The following SLC2A11 variants were observed in gnomAD, a reference collection of about 807,000 sequenced individuals.
The protein encoded by SLC2A11 is solute carrier family 2 member 11, also known as solute carrier family 2, facilitated glucose transporter member 11.
SLC2A11 carries 43 observed loss-of-function variants against 52.1 expected under a neutral mutation model. The observed-to-expected ratio is 0.82, with a 90% CI of 0.65 to 1.06. SLC2A11 has a LOEUF of 1.06. Ranked by LOEUF, SLC2A11 falls within the 50% of genes least tolerant of loss-of-function variation. The pLI is 0.00. For missense variants in SLC2A11, 582 were observed against 654.2 expected (o/e 0.89, Z 1.20); for synonymous variants, 261 against 277.6 (o/e 0.94, Z 0.59).
At position 23,857,899 on chromosome 22, in the gene SLC2A11, G is replaced by T; in HGVS notation, c.-101G>T. On this transcript the variant is annotated 5_prime_UTR_variant, in exon 1 of 12. Coordinates refer to ENST00000316185, the MANE Select transcript of SLC2A11 (RefSeq NM_001024939.4). Reference sequence around the variant, plus strand: ...CCTCTTTCACCACTGGGCGCTGCGCGCTGCCCTTCCCTCCGCGCACAGGCT... The same window carrying T: ...CCTCTTTCACCACTGGGCGCTGCGCTCTGCCCTTCCCTCCGCGCACAGGCT... The T allele has an allele frequency of 6.4e-7, 1 of 1,569,206 alleles. No homozygotes were observed. The highest frequency in any genetic ancestry group is 8.6e-7 in the Non-Finnish European group (1 of 1,158,616).
rs1441945589 is a variant in SLC2A11, at chr22:23,882,664, C to G, written c.882+18C>G. ...ATGACTCGGTGAGACCCCTGCCCCGCCGCACACCCTGGGCCCCGGGGGCTT... is the reference window on the plus strand; with the variant it reads ...ATGACTCGGTGAGACCCCTGCCCCGGCGCACACCCTGGGCCCCGGGGGCTT... On this transcript the variant is annotated intron_variant, in intron 7 of 11. Transcript: ENST00000316185. 1 of 1,608,140 alleles carries G rather than the reference C, an allele frequency of 6.2e-7. No individual in the cohort carries two copies. The highest frequency in any genetic ancestry group is 8.5e-7 in the Non-Finnish European group (1 of 1,176,632).
intron 5 of SLC2A11, 122 bp downstream of exon 5, chr22:23,877,293 C>T (rs967287255): frequency 2.3e-5 from 34 of 1,501,832 alleles, no homozygotes; most frequent in South Asian, 4.8e-5. Context: ...ATGAAGGCAT[C>T]GAATCCTCTA....
At chr22:23,877,519 G>T (rs1192937689) in intron 5 of SLC2A11, 1 of 786,752 alleles carries the variant, frequency 1.3e-6, no homozygotes, top group African/African-American at 1.7e-5. Context: ...AGTTGCTAGG[G>T]ATGAGGTGGG....
intron 2 of SLC2A11, chr22:23,866,734 T>C (rs1353610675): frequency 6.6e-6 from 1 of 152,446 alleles, no homozygotes; most frequent in Non-Finnish European, 1.5e-5. Context: ...CTGGGCAACA[T>C]AGTGAGACCC....
Position 23,882,477 on chromosome 22 carries a change from G to T in SLC2A11, c.713G>T (p.Gly238Val), listed in dbSNP as rs1463264257. The T allele has an allele frequency of 6.4e-7, 1 of 1,551,044 alleles. No homozygotes were observed. The highest frequency in any genetic ancestry group is 8.7e-7 in the Non-Finnish European group (1 of 1,150,546). Residue 238 changes from glycine (G) to valine (V), a missense_variant, in exon 7 of 12, where the codon GGC becomes GTC. Gly to Val is a moderately radical substitution (Grantham distance 109). Transcript: ENST00000316185. ...ACLAALRRLR[G>V]SGDLAGELEE... is the part of the protein sequence containing the mutation. ...GGCTCAGCACTACGGCGGCTCCGGG[G>T]CTCCGGGGACTTGGCAGGGGAGCTG...
rs1447732308 is a variant in SLC2A11 at position 23,884,164 on chromosome 22, G to C, written c.1172-138G>C. ...ACCTCATGCCGGGGCTTCTGGGAGG[G>C]AATGGCAGGAGGAGAGCACTGAGGG... On this transcript the variant is annotated intron_variant, in intron 10 of 11. Transcript: ENST00000316185. This position sits in a 1 kb window ranked among gnomAD's most constrained non-coding sequence, Gnocchi z 4.3. 2 of 1,477,094 alleles carry C rather than the reference G, an allele frequency of 1.4e-6. No individual in the cohort carries two copies. Among genetic ancestry groups the C allele is most frequent in the Non-Finnish European group, 1.8e-6 (2 of 1,109,290 alleles). 91.5% of individuals were successfully genotyped at this position (1,477,094 alleles called of 1,614,324 possible).
intron 4 of SLC2A11, among the ~76,000 whole-genome samples, chr22:23,875,468 G>C (rs890236294): frequency 2.0e-5 from 3 of 152,070 alleles, no homozygotes; most frequent in African/African-American, 4.8e-5. Context: ...GTGTAGGGGT[G>C]GGGGAATAAG....
chr22:23,862,136 C>T lies in SLC2A11; in HGVS notation c.63C>T (p.Cys21=), dbSNP rs144569568. The change falls in exon 2 of 12, where the codon TGC becomes TGT. Residue 21 remains cysteine, a synonymous_variant. Coordinates refer to ENST00000316185, the MANE Select transcript of SLC2A11 (RefSeq NM_001024939.4). ...GCAGGATCCTGCTCCTGACCATCTG[C>T]GCTGCCGGCATTGGTGGGACTTTTC... The part of the protein sequence containing the change: ...IQGRILLLTI[C]AAGIGGTFQF... 49 of 1,613,794 alleles carry T rather than the reference C, an allele frequency of 3.0e-5. No individual in the cohort carries two copies. The highest frequency in any genetic ancestry group is 1.7e-4 in the African/African-American group (13 of 74,672).
At chr22:23,862,977 G>T (rs1260062256) in intron 2 of SLC2A11, among the ~76,000 whole-genome samples, 1 of 152,176 alleles carries the variant, frequency 6.6e-6, no homozygotes, top group Non-Finnish European at 1.5e-5. Context: ...GTGTTCAGCG[G>T]TGAAGCCTTG....
intron 5 of SLC2A11, 157 bp from the exon 6 acceptor site, chr22:23,877,564 G>A (rs2032658468): frequency 9.9e-7 from 1 of 1,006,372 alleles, no homozygotes; most frequent in Non-Finnish European, 1.5e-6. Flanking sequence ...CCCAACCTGG[G>A]TGGGAGGGAT....
rs756203814 is a variant in SLC2A11, at chr22:23,884,604, G to A, written c.1300-45G>A. 3 of 1,585,544 alleles carry A rather than the reference G, an allele frequency of 1.9e-6. No individual in the cohort carries two copies. The highest frequency in any genetic ancestry group is 3.5e-5 in the Admixed American group (2 of 56,610). ...CCTGTCATGGGCCTTCTGTTTAGGG[G>A]TTGATGGAGACACACCAGGTCTTGG... On this transcript the variant is annotated intron_variant, in intron 11 of 11. Coordinates refer to ENST00000316185, the MANE Select transcript of SLC2A11 (RefSeq NM_001024939.4). This position sits in a 1 kb window ranked among gnomAD's most constrained non-coding sequence, Gnocchi z 4.3.
rs763819996 is a variant in SLC2A11, at chr22:23,882,809, G to A, written c.933G>A (p.Ala311=). 5.0e-6 allele frequency: 8 copies of A among 1,613,916 alleles called. No homozygotes were observed. Among genetic ancestry groups the A allele is most frequent in the South Asian group, 2.2e-5 (2 of 91,022 alleles). The change falls in exon 8 of 12, where the codon GCG becomes GCA. Residue 311 remains alanine, a synonymous_variant. Transcript: ENST00000316185. ...TCCGGAAGGCAGGAGTGCCGGAAGC[G>A]AAGATCCAGTACGCGATCATCGGGA... ...SVFRKAGVPE[A]KIQYAIIGTG...
intron 3 of SLC2A11, chr22:23,868,954 G>T: frequency 3.1e-6 from 1 of 323,742 alleles, no homozygotes; most frequent in Non-Finnish European, 5.7e-6. Flanking sequence ...ATCTAATGCA[G>T]TTCTTGGATT....
At chr22:23,860,695 T>C (rs1278156802) in intron 1 of SLC2A11, among the ~76,000 whole-genome samples, 2 of 147,252 alleles carry the variant, frequency 1.4e-5, no homozygotes, top group Non-Finnish European at 3.0e-5. Flanking sequence ...ATTGCGCCAT[T>C]GCACTCCAGC....
chr22:23,861,305 A>G (rs1178567998), intron 1 of SLC2A11, among the ~76,000 whole-genome samples: 2 of 109,912 alleles, frequency 1.8e-5, no homozygotes, highest in Non-Finnish European at 3.7e-5. Context: ...AAAAAAAAAA[A>G]AAAAAAAAAA....
chr22:23,859,378 T>C (rs1307814867), intron 1 of SLC2A11, among the ~76,000 whole-genome samples: 1 of 152,224 alleles, frequency 6.6e-6, no homozygotes, highest in African/African-American at 2.4e-5. Context: ...AGCCACTTCC[T>C]CTGCTCCCCC....
At chr22:23,864,743 G>A (rs1389568129) in intron 2 of SLC2A11, among the ~76,000 whole-genome samples, 2 of 152,186 alleles carry the variant, frequency 1.3e-5, no homozygotes. Flanking sequence ...CAGCCCCTAC[G>A]AAGGAGACTT....
Position 23,882,803 on chromosome 22 carries a change from G to A in SLC2A11, c.927G>A (p.Pro309=), listed in dbSNP as rs1034237342. 1.2e-5 allele frequency: 19 copies of A among 1,613,720 alleles called. No individual in the cohort carries two copies. The highest frequency in any genetic ancestry group is 6.7e-5 in the African/African-American group (5 of 74,908). ...ASSVFRKAGV[P]EAKIQYAIIG... ...CCGTGTTCCGGAAGGCAGGAGTGCC[G>A]GAAGCGAAGATCCAGTACGCGATCA... is the stretch of plus-strand genomic sequence containing the variant. The change falls in exon 8 of 12, where the codon CCG becomes CCA. Residue 309 remains proline (P), a synonymous_variant. Transcript: ENST00000316185.
At chr22:23,865,461 A>C (rs942828038) in intron 2 of SLC2A11, 1 of 152,296 alleles carries the variant, frequency 6.6e-6, no homozygotes, top group African/African-American at 2.4e-5. Flanking sequence ...GTCAAAGCAC[A>C]GTAATGAAGA....
Sources: gnomAD v4.1 joint callset for allele counts (sites outside exome capture counted in the v4.1 genomes callset) on GRCh38, gnomAD v4.1.1 for gene constraint, Gnocchi (gnomAD v3.1) non-coding constraint, MANE v1.5 for transcripts, NCBI Gene and HGNC (gene_info 2026-07-23, HGNC 2026-07-21) for gene names.